The following NPLOC4 variants were observed in gnomAD, a reference collection of about 807,000 sequenced individuals.
NPLOC4 encodes the protein NPL4 homolog, ubiquitin recognition factor, also known as nuclear protein localization protein 4 homolog.
In NPLOC4, 18 loss-of-function variants were observed where a neutral mutation model predicts 80.6. The ratio of observed to expected loss-of-function variants is 0.22; its 90% CI spans 0.15 to 0.33. NPLOC4 has a LOEUF of 0.33. NPLOC4 is among the 10% of genes least tolerant of loss of function. NPLOC4 has a pLI of 1.00. For missense variants in NPLOC4, 540 were observed against 786.1 expected (o/e 0.69, Z 3.74); for synonymous variants, 313 against 301.5 (o/e 1.04, Z -0.39).
chr17:81,558,986 G>A lies in NPLOC4; in HGVS notation c.*273C>T, dbSNP rs1056895141. ...AGGCGAGAGGTCTTTCCAACACGGC[G>A]GGGGACTTGTCAACAGGATTAGGCG... On this transcript the variant is annotated 3_prime_UTR_variant, in exon 17 of 17. Transcript: ENST00000331134. 7.7e-5 allele frequency: 30 copies of A among 388,754 alleles called. No homozygotes were observed. The highest frequency in any genetic ancestry group is 6.6e-4 in the Middle Eastern group (1 of 1,512). 24.1% of individuals were successfully genotyped at this position (388,754 alleles called of 1,614,324 possible). A position where few individuals can be genotyped will look rare whatever the true frequency, so the allele number is the denominator to read the frequency against.
In NPLOC4 at chr17:81,567,113, G is replaced by GA; in HGVS notation, c.1566+303dup. The GA allele has an allele frequency of 2.9e-6, 1 of 346,356 alleles. No homozygotes were observed. Among genetic ancestry groups the GA allele is most frequent in the Non-Finnish European group, 5.4e-6 (1 of 185,004 alleles). The allele number at this position is 346,356 out of a possible 1,614,324, so 21.5% of individuals were successfully genotyped here. On this transcript the variant is annotated intron_variant, in intron 15 of 16. Coordinates refer to ENST00000331134, the MANE Select transcript of NPLOC4 (RefSeq NM_017921.4). This position sits in a 1 kb window ranked among gnomAD's most constrained non-coding sequence, Gnocchi z 4.5. ...CTGTCTAACTCTAATGCTGGAGGCA[G>GA]AGCTAAATCACCTCTGCTTCCCATT...
intron 3 of NPLOC4, among the ~76,000 whole-genome samples, chr17:81,620,625 A>G (rs2035638913): frequency 6.6e-6 from 1 of 152,212 alleles, no homozygotes; most frequent in South Asian, 2.1e-4. Flanking sequence ...TTCATCCATC[A>G]AGGCATACAC....
intron 12 of NPLOC4, among the ~76,000 whole-genome samples, chr17:81,575,231 C>T (rs1375621075): frequency 4.6e-5 from 7 of 152,188 alleles, no homozygotes; most frequent in Non-Finnish European, 8.8e-5. Flanking sequence ...TCCCGAGTAG[C>T]TGGGACTACA....
In NPLOC4 at chr17:81,580,336, T is replaced by C. The variant is rs2144099872; in HGVS notation, c.1282-8248A>G. ...CTCTTCTCTCGATCACACCACACAC[T>C]CAACCCCCTCACTACTGCACAGCCA... On this transcript the variant is annotated intron_variant, in intron 12 of 16. Transcript: ENST00000331134. The surrounding 1 kb of genome is among the most constrained non-coding windows in gnomAD (Gnocchi z 4.4). Among the ~76,000 whole-genome samples the C allele has an allele frequency of 6.6e-6, 1 of 152,016 alleles. No individual in the cohort carries two copies. Among genetic ancestry groups the C allele is most frequent in the African/African-American group, 2.4e-5 (1 of 41,474 alleles).
In NPLOC4 at chr17:81,572,499, TTA is replaced by T. The variant is rs1360788209; in HGVS notation, c.1282-413_1282-412del. Among the ~76,000 whole-genome samples, 12 of 152,304 alleles carry T rather than the reference TTA, an allele frequency of 7.9e-5. No homozygotes were observed. The highest frequency in any genetic ancestry group is 2.6e-4 in the African/African-American group (11 of 41,564). ...AGCCACCGCGTCCGGCCTTCACTTT[TTA>T]AATTACTTCAAATCTTATTGAAGTG... On this transcript the variant is annotated intron_variant, in intron 12 of 16. Coordinates refer to ENST00000331134, the MANE Select transcript of NPLOC4 (RefSeq NM_017921.4). The surrounding 1 kb of genome is among the most constrained non-coding windows in gnomAD (Gnocchi z 4.5).
At chr17:81,621,755 T>C (rs964012800) in intron 3 of NPLOC4, among the ~76,000 whole-genome samples, 1 of 152,176 alleles carries the variant, frequency 6.6e-6, no homozygotes, top group Non-Finnish European at 1.5e-5. Flanking sequence ...AGGTCCTGAA[T>C]GACCAACTCT....
intron 9 of NPLOC4, among the ~76,000 whole-genome samples, chr17:81,598,066 G>T (rs1253463710): frequency 7.1e-6 from 1 of 140,848 alleles, no homozygotes; most frequent in East Asian, 2.0e-4. Context: ...CTGCACTCCA[G>T]CCTGGCCCAC....
intron 9 of NPLOC4, among the ~76,000 whole-genome samples, chr17:81,599,235 G>A (rs1485722546): frequency 6.6e-6 from 1 of 151,854 alleles, no homozygotes; most frequent in Non-Finnish European, 1.5e-5. Flanking sequence ...GTTGCAGTGA[G>A]CCAAGATCGT....
chr17:81,610,937 C>T (rs1403068222), intron 4 of NPLOC4, among the ~76,000 whole-genome samples: 1 of 134,704 alleles, frequency 7.4e-6, no homozygotes, highest in South Asian at 2.5e-4. Flanking sequence ...CCGGCCTGGG[C>T]GACAGAGCGA....
At chr17:81,582,339 C>T (rs1384266674) in intron 12 of NPLOC4, among the ~76,000 whole-genome samples, 6 of 152,198 alleles carry the variant, frequency 3.9e-5, no homozygotes, top group African/African-American at 1.2e-4. Flanking sequence ...GGCATGGACC[C>T]GAGTTTCACC....
At chr17:81,592,928 A>C (rs1368794674) in intron 11 of NPLOC4, among the ~76,000 whole-genome samples, 8 of 152,224 alleles carry the variant, frequency 5.3e-5, no homozygotes, top group Non-Finnish European at 1.2e-4. Context: ...AGTTGCAGTG[A>C]GCCAAGATTG....
chr17:81,634,863 G>A (rs1220326189), intron 1 of NPLOC4, among the ~76,000 whole-genome samples: 1 of 151,990 alleles, frequency 6.6e-6, no homozygotes, highest in Non-Finnish European at 1.5e-5. Context: ...GATTACAGGC[G>A]TGAGCCACTG....
intron 12 of NPLOC4, 92 bp downstream of exon 12, chr17:81,588,852 G>T: frequency 8.9e-7 from 1 of 1,119,592 alleles, no homozygotes; most frequent in Non-Finnish European, 1.3e-6. Flanking sequence ...ACAAACGGCT[G>T]CTATAGGCAG....
intron 1 of NPLOC4, among the ~76,000 whole-genome samples, chr17:81,634,812 T>C (rs532953387): frequency 6.6e-5 from 10 of 151,918 alleles, no homozygotes; most frequent in Non-Finnish European, 1.3e-4. Flanking sequence ...CTTGAACTCC[T>C]GACCTCGTGA....
intron 11 of NPLOC4, among the ~76,000 whole-genome samples, chr17:81,594,034 A>G (rs7406136): frequency 0.16 from 23,741 of 151,648 alleles, 2,305 homozygotes; most frequent in African/African-American, 0.24. Flanking sequence ...AGCACCTTGG[A>G]AGGCCGAGGC....
At chr17:81,626,810 T>C (rs2035807297) in intron 2 of NPLOC4, among the ~76,000 whole-genome samples, 1 of 152,122 alleles carries the variant, frequency 6.6e-6, no homozygotes, top group Non-Finnish European at 1.5e-5. Flanking sequence ...TAAAATGGAC[T>C]GGGTGAGGGT....
intron 2 of NPLOC4, among the ~76,000 whole-genome samples, chr17:81,623,595 G>A (rs1250834121): frequency 2.0e-5 from 3 of 151,388 alleles, no homozygotes; most frequent in Admixed American, 6.6e-5. Flanking sequence ...TCAGGAGATC[G>A]AGACCATCCT....
chr17:81,567,171 A>G lies in NPLOC4; in HGVS notation c.1566+246T>C, dbSNP rs2034035030. On this transcript the variant is annotated intron_variant, in intron 15 of 16. Coordinates refer to ENST00000331134, the MANE Select transcript of NPLOC4 (RefSeq NM_017921.4). The surrounding 1 kb of genome is among the most constrained non-coding windows in gnomAD (Gnocchi z 4.5). ...AACAGATGAAACCGTACTTCCTCAC[A>G]GAGGTGCAGACACTCAATGGAAATG... Among the ~76,000 whole-genome samples the G allele has an allele frequency of 6.6e-6, 1 of 152,234 alleles. No homozygotes were observed. The highest frequency in any genetic ancestry group is 1.9e-4 in the East Asian group (1 of 5,198).
chr17:81,632,324 A>C (rs1307146594), intron 1 of NPLOC4, among the ~76,000 whole-genome samples: 1 of 124,282 alleles, frequency 8.0e-6, no homozygotes, highest in Admixed American at 8.7e-5. Flanking sequence ...TTCCTTTTTT[A>C]TTTCTTTTTT....
Sources: allele counts gnomAD v4.1 joint callset (sites outside exome capture counted in the v4.1 genomes callset), GRCh38; gene constraint gnomAD v4.1.1; non-coding constraint Gnocchi (gnomAD v3.1); transcripts MANE v1.5; gene names NCBI Gene and HGNC (gene_info 2026-07-23, HGNC 2026-07-21).